Variants in MRPL48 observed in about 807,000 individuals in gnomAD.
MRPL48 encodes mitochondrial ribosomal protein L48.
A neutral mutation model predicts 32.9 loss-of-function variants in MRPL48; 16 were observed. The ratio of observed to expected loss-of-function variants is 0.49; its 90% confidence interval spans 0.33 to 0.74. The LOEUF (loss-of-function observed/expected upper bound fraction) is 0.74, where lower values mean the gene tolerates loss of function less well. Ranked by LOEUF, MRPL48 falls within the 30% of genes least tolerant of loss-of-function variation. The pLI is 0.02. For missense variants in MRPL48, 206 were observed against 245.3 expected (o/e 0.84, Z 1.07); for synonymous variants, 94 against 89.2 (o/e 1.05, Z -0.31).
chr11:73,794,597 C>T (rs1435497071), intron 1 of MRPL48, among the ~76,000 whole-genome samples: 2 of 151,406 alleles, frequency 1.3e-5, no homozygotes, highest in East Asian at 1.9e-4. Context: ...GACAAACAAA[C>T]AAACATTTTA....
chr11:73,825,293 T>C (rs1947866273), intron 3 of MRPL48, among the ~76,000 whole-genome samples: 1 of 146,126 alleles, frequency 6.8e-6, no homozygotes, highest in African/African-American at 2.5e-5. Flanking sequence ...TATGTGTGTG[T>C]GTGTGTGTGT....
chr11:73,799,983 C>G (rs1947327556), intron 1 of MRPL48, among the ~76,000 whole-genome samples: 1 of 152,120 alleles, frequency 6.6e-6, no homozygotes, highest in Admixed American at 6.6e-5. Context: ...TGGATTCAGG[C>G]AGACCTGGGT....
rs1321809590 is a variant in MRPL48 at position 73,861,757 on chromosome 11, C to T, written c.475-1415C>T. On this transcript the variant is annotated intron_variant, in intron 6 of 7. Coordinates refer to ENST00000310614, the MANE Select transcript of MRPL48 (RefSeq NM_016055.6). ...TCTGCCTTCAAAATCCTCCACATTA[C>T]TGTTGAATTCTCCTAGTTTAGTCTT... Among the ~76,000 whole-genome samples the T allele has an allele frequency of 9.2e-5, 14 of 152,344 alleles. No individual in the cohort carries two copies. The East Asian group carries it at 2.5e-3, about 27-fold the overall frequency.
intron 4 of MRPL48, among the ~76,000 whole-genome samples, chr11:73,837,879 G>A (rs891856168): frequency 2.0e-5 from 3 of 152,088 alleles, no homozygotes; most frequent in East Asian, 1.9e-4. Flanking sequence ...ACAGAGTCTC[G>A]CACTGTTGCC....
intron 5 of MRPL48, among the ~76,000 whole-genome samples, chr11:73,846,078 A>G (rs1948282228): frequency 1.3e-5 from 2 of 151,330 alleles, no homozygotes; most frequent in African/African-American, 2.4e-5. Flanking sequence ...AAAAAAAAAA[A>G]AAAAAAAAAA....
intron 2 of MRPL48, 25 bp from the exon 3 acceptor site, chr11:73,808,288 G>A: frequency 6.3e-7 from 1 of 1,589,554 alleles, no homozygotes; most frequent in Non-Finnish European, 8.6e-7. Context: ...TAATTGTATT[G>A]AACATACTTT....
chr11:73,838,397 A>G (rs1307939419), intron 4 of MRPL48, among the ~76,000 whole-genome samples: 1 of 152,216 alleles, frequency 6.6e-6, no homozygotes, highest in Non-Finnish European at 1.5e-5. Context: ...ATCTAGGCCA[A>G]CATGGGAAAG....
intron 4 of MRPL48, among the ~76,000 whole-genome samples, chr11:73,832,181 A>G (rs1170548750): frequency 1.3e-5 from 2 of 152,150 alleles, no homozygotes; most frequent in Non-Finnish European, 2.9e-5. Context: ...GCCTTGGAGC[A>G]AGAGAGTTAG....
At chr11:73,796,789 G>T (rs7111424) in intron 1 of MRPL48, among the ~76,000 whole-genome samples, 1 of 152,152 alleles carries the variant, frequency 6.6e-6, no homozygotes, top group African/African-American at 2.4e-5. Context: ...TTGGGTCTGG[G>T]TGTAGTGGCT....
Position 73,806,327 on chromosome 11 carries a change from C to A in MRPL48, c.74+1248C>A, listed in dbSNP as rs188637354. Among the ~76,000 whole-genome samples, 24 of 152,232 alleles carry A rather than the reference C, an allele frequency of 1.6e-4. No homozygotes were observed. In the East Asian group the frequency reaches 4.1e-3, roughly 26 times the overall value. On this transcript the variant is annotated intron_variant, in intron 2 of 7. Coordinates refer to ENST00000310614, the MANE Select transcript of MRPL48 (RefSeq NM_016055.6). Reference sequence around the variant, plus strand: ...ATTAGCTGTGCTGTGGTTTGCTATTCCTTGATAATCTAAGCACCTTCCCAC... The same window carrying A: ...ATTAGCTGTGCTGTGGTTTGCTATTACTTGATAATCTAAGCACCTTCCCAC...
chr11:73,862,301 A>G (rs1254364363), intron 6 of MRPL48, among the ~76,000 whole-genome samples: 2 of 152,276 alleles, frequency 1.3e-5, no homozygotes, highest in East Asian at 3.9e-4. Flanking sequence ...GCATGCCTGT[A>G]ATCCCAGCTA....
intron 3 of MRPL48, chr11:73,817,790 AT>A: frequency 2.6e-6 from 1 of 382,788 alleles, no homozygotes; most frequent in East Asian, 9.0e-5. Context: ...TCAGATATTT[AT>A]TTTTGTTGTT....
At chr11:73,813,453 C>CACT (rs1565410139) in intron 3 of MRPL48, among the ~76,000 whole-genome samples, 1 of 151,964 alleles carries the variant, frequency 6.6e-6, no homozygotes, top group Non-Finnish European at 1.5e-5. Context: ...GGATTACAGG[C>CACT]GTGAGCCACT....
chr11:73,825,609 A>G, intron 3 of MRPL48, 99 bp from the exon 4 acceptor site: 1 of 1,042,282 alleles, frequency 9.6e-7, no homozygotes, highest in Non-Finnish European at 1.4e-6. Context: ...AGATGGCATT[A>G]CATCCCAGCT....
intron 1 of MRPL48, among the ~76,000 whole-genome samples, chr11:73,803,297 A>C (rs1947390260): frequency 6.6e-6 from 1 of 150,770 alleles, no homozygotes; most frequent in Admixed American, 6.6e-5. Context: ...CCCCTGGCTA[A>C]TTTTTGTATT....
At chr11:73,863,850 G>T (rs1216500208) in intron 7 of MRPL48, among the ~76,000 whole-genome samples, 4 of 152,130 alleles carry the variant, frequency 2.6e-5, no homozygotes, top group Non-Finnish European at 5.9e-5. Context: ...AGCTCTGCTT[G>T]TTCTGAGTCC....
chr11:73,821,376 G>T (rs1947779342), intron 3 of MRPL48, among the ~76,000 whole-genome samples: 1 of 152,110 alleles, frequency 6.6e-6, no homozygotes, highest in Admixed American at 6.6e-5. Flanking sequence ...TCCATAAGCA[G>T]AGTTTTGTTG....
At chr11:73,858,980 A>AT (rs1198307675) in intron 5 of MRPL48, among the ~76,000 whole-genome samples, 1 of 152,214 alleles carries the variant, frequency 6.6e-6, no homozygotes, top group African/African-American at 2.4e-5. Flanking sequence ...TAAACTCTAT[A>AT]ATCTGGGAGA....
chr11:73,841,543 A>G (rs76743591), intron 4 of MRPL48, among the ~76,000 whole-genome samples: 2,162 of 152,342 alleles, frequency 0.014, 50 homozygotes, highest in African/African-American at 0.047. Context: ...ACAAAAGAGA[A>G]TGTATCTATC....
Sources: gnomAD v4.1 joint callset for allele counts (sites outside exome capture counted in the v4.1 genomes callset) on GRCh38, gnomAD v4.1.1 for gene constraint, MANE v1.5 for transcripts, NCBI Gene and HGNC (gene_info 2026-07-23, HGNC 2026-07-21) for gene names.